ADAMTS8: variants seen among roughly 807,000 people sequenced by gnomAD.
ADAMTS8 encodes A disintegrin and metalloproteinase with thrombospondin motifs 8.
Under a neutral mutation model 64.4 loss-of-function variants are expected in ADAMTS8, and 50 were observed. That is an observed-to-expected ratio of 0.78 (90% CI 0.62 to 0.98). The LOEUF (loss-of-function observed/expected upper bound fraction) is 0.98, where lower values mean the gene tolerates loss of function less well. Ranked by LOEUF, ADAMTS8 falls within the 50% of genes least tolerant of loss-of-function variation. The pLI is 0.00. For synonymous variants in ADAMTS8, 556 were observed against 533.6 expected, an observed-to-expected ratio of 1.04 and a Z score of -0.58; for missense variants, 1,192 against 1,208.2, an observed-to-expected ratio of 0.99 and a Z score of 0.20.
chr11:130,419,105 G>A lies in ADAMTS8; in HGVS notation c.908C>T (p.Pro303Leu). Residue 303 changes from proline (P) to leucine (L), a missense_variant, in exon 2 of 9, where the codon CCC becomes CTC. Coordinates refer to ENST00000257359, the MANE Select transcript of ADAMTS8 (RefSeq NM_007037.6). ...FCNWQRRFNQ[P>L]SDRHPEHYDT... ...GTAGTGCTCTGGGTGGCGGTCGCTG[G>A]GCTGGTTGAAACGCCGCTGCCAGTT... 3 of 1,614,142 alleles carry A rather than the reference G, an allele frequency of 1.9e-6. No homozygotes were observed. In the South Asian group the frequency reaches 3.3e-5, roughly 18 times the overall value.
At chr11:130,424,601 T>C (rs2134692012) in intron 1 of ADAMTS8, among the ~76,000 whole-genome samples, 1 of 152,272 alleles carries the variant, frequency 6.6e-6, no homozygotes, top group East Asian at 1.9e-4. Context: ...TCTGTGTGAA[T>C]GAGGTCTCCA....
chr11:130,416,000 A>G (rs996832951), intron 4 of ADAMTS8, among the ~76,000 whole-genome samples, 163 bp downstream of exon 4: 1 of 152,214 alleles, frequency 6.6e-6, no homozygotes. Context: ...ATGGGGCCAG[A>G]AGAGCAGACT....
chr11:130,419,422 C>G (rs1862071730), intron 1 of ADAMTS8, 130 bp from the exon 2 acceptor site: 1 of 1,293,474 alleles, frequency 7.7e-7, no homozygotes, highest in Non-Finnish European at 1.1e-6. Context: ...CTCACAATAC[C>G]CCCGAGGTCT....
chr11:130,413,285 C>T (rs1202156461), intron 5 of ADAMTS8, among the ~76,000 whole-genome samples: 1 of 152,214 alleles, frequency 6.6e-6, no homozygotes, highest in Non-Finnish European at 1.5e-5. Flanking sequence ...GGTGGCAGAT[C>T]CCTCTGCTCT....
intron 4 of ADAMTS8, 64 bp from the exon 5 acceptor site, chr11:130,414,896 T>A: frequency 6.9e-7 from 1 of 1,450,702 alleles, no homozygotes; most frequent in Non-Finnish European, 9.2e-7. Context: ...CAGCTCTTCA[T>A]GGCCTGTGAT....
Position 130,405,645 on chromosome 11 carries a change from G to T in ADAMTS8, c.2583C>A (p.Asp861Glu), listed in dbSNP as rs199804043. The T allele has an allele frequency of 3.7e-6, 6 of 1,614,008 alleles. No homozygotes were observed. Among genetic ancestry groups the T allele is most frequent in the Non-Finnish European group, 4.2e-6 (5 of 1,180,048 alleles). Residue 861 changes from aspartate (D) to glutamate (E), a missense_variant, in exon 9 of 9, where the codon GAC becomes GAA. By Grantham distance (45) the Asp-to-Glu change is conservative. Transcript: ENST00000257359. ...GWQRRTVECR[D>E]PSGQASATCN... ...AGGTGGCAGAGGCCTGGCCGGAGGG[G>T]TCCCTGCACTCTACAGTTCGCCTCT...
intron 2 of ADAMTS8, 85 bp downstream of exon 2, chr11:130,418,968 T>C: frequency 1.3e-6 from 2 of 1,583,660 alleles, no homozygotes; most frequent in Non-Finnish European, 1.7e-6. Flanking sequence ...ACGTTTCCCA[T>C]GTTTGGGCAG....
chr11:130,406,896 G>A (rs1861891874), intron 8 of ADAMTS8, among the ~76,000 whole-genome samples: 1 of 152,110 alleles, frequency 6.6e-6, no homozygotes, highest in Non-Finnish European at 1.5e-5. Flanking sequence ...GAGGCGAGTG[G>A]TCAGGCGGGC....
At chr11:130,423,573 G>A (rs1339471565) in intron 1 of ADAMTS8, among the ~76,000 whole-genome samples, 1 of 152,202 alleles carries the variant, frequency 6.6e-6, no homozygotes, top group Non-Finnish European at 1.5e-5. Flanking sequence ...TGCAGGTAAG[G>A]GGGCATGGAG....
chr11:130,419,657 A>C (rs748812375), intron 1 of ADAMTS8, among the ~76,000 whole-genome samples: 27 of 152,246 alleles, frequency 1.8e-4, no homozygotes, highest in Non-Finnish European at 3.4e-4. Flanking sequence ...TAGTGCTTCA[A>C]TAGTCATATA....
At chr11:130,418,923 T>C (rs1862061620) in intron 2 of ADAMTS8, 130 bp downstream of exon 2, 3 of 1,439,996 alleles carry the variant, frequency 2.1e-6, no homozygotes, top group Admixed American at 3.8e-5. Context: ...ATTCTGGGCA[T>C]GAGGCTCTGG....
At position 130,411,530 on chromosome 11, in the gene ADAMTS8, A is replaced by G; in HGVS notation, c.1637T>C (p.Val546Ala). The G allele has an allele frequency of 1.9e-6, 3 of 1,613,136 alleles. No individual in the cohort carries two copies. Among genetic ancestry groups the G allele is most frequent in the Non-Finnish European group, 2.5e-6 (3 of 1,179,790 alleles). The part of the protein sequence containing the change: ...GECSRTCGGG[V>A]QFSHRECKDP... ...CTTGCACTCACGGTGTGAAAACTGT[A>G]CTCCTCCTCCACAGGTCCGAGAACA... Residue 546 changes from valine to alanine, a missense_variant, in exon 6 of 9, where the codon GTA becomes GCA. By Grantham distance (64) the Val-to-Ala change is moderately conservative. This residue lies in a region of ADAMTS8 where 290 missense variants were observed against 297.8 expected (regional missense o/e 0.97). Coordinates refer to ENST00000257359, the MANE Select transcript of ADAMTS8 (RefSeq NM_007037.6). This position sits in a 1 kb window ranked among gnomAD's most constrained non-coding sequence, Gnocchi z 4.2.
chr11:130,425,214 C>T (rs1862148425), intron 1 of ADAMTS8, among the ~76,000 whole-genome samples: 1 of 152,106 alleles, frequency 6.6e-6, no homozygotes. Flanking sequence ...GGCAGCAGAC[C>T]TGAACTTTAA....
chr11:130,405,518 G>T lies in ADAMTS8; in HGVS notation c.*40C>A, dbSNP rs369866023. 22 of 1,551,364 alleles carry T rather than the reference G, an allele frequency of 1.4e-5. No homozygotes were observed. Among genetic ancestry groups the T allele is most frequent in the Non-Finnish European group, 1.7e-5 (20 of 1,149,114 alleles). On this transcript the variant is annotated 3_prime_UTR_variant, in exon 9 of 9. Coordinates refer to ENST00000257359, the MANE Select transcript of ADAMTS8 (RefSeq NM_007037.6). ...AGACCCTTGTCTGCACCTCAGTACC[G>T]CATGTCCAGGAGCACAAGACTGGCC...
chr11:130,417,017 A>G lies in ADAMTS8; in HGVS notation c.1019T>C (p.Ile340Thr). 6.2e-7 allele frequency: 1 copy of G among 1,613,964 alleles called. No individual in the cohort carries two copies. Among genetic ancestry groups the G allele is most frequent in the South Asian group, 1.1e-5 (1 of 91,076 alleles). ...GGAGCAGCTTTTGTTGGGGTCACAAATGGTCCCGATGTCTGCCACACCCAG... is the reference window on the plus strand; with the variant it reads ...GGAGCAGCTTTTGTTGGGGTCACAAGTGGTCCCGATGTCTGCCACACCCAG... ...DTLGVADIGT[I>T]CDPNKSCSVI... is the part of the protein sequence containing the mutation. Residue 340 changes from isoleucine (I) to threonine (T), a missense_variant, in exon 3 of 9, where the codon ATT becomes ACT. Physicochemically the swap from Ile to Thr is moderately conservative, Grantham distance 89. Transcript: ENST00000257359.
chr11:130,416,269 C>T lies in ADAMTS8; in HGVS notation c.1158G>A (p.Met386Ile), dbSNP rs759150273. The T allele has an allele frequency of 1.3e-5, 20 of 1,580,228 alleles. No individual in the cohort carries two copies. In the South Asian group the frequency reaches 1.6e-4, roughly 13 times the overall value. The change falls in exon 4 of 9, where the codon ATG (methionine) becomes ATA (isoleucine). Residue 386 changes from methionine (M) to isoleucine (I), a missense_variant. Transcript: ENST00000257359. This position sits in a 1 kb window ranked among gnomAD's most constrained non-coding sequence, Gnocchi z 4.8. ...GCGGTGCCATCACGTGGTGCTTGCC[C>T]ATGGGCCCGAAGAGCCGTGTGCAGG... ...SKPCTRLFGP[M>I]GKHHVMAPLF... is the part of the protein sequence containing the mutation.
chr11:130,406,111 A>C lies in ADAMTS8; in HGVS notation c.2117T>G (p.Ile706Ser). 6.2e-7 allele frequency: 1 copy of C among 1,609,140 alleles called. No individual in the cohort carries two copies. The highest frequency in any genetic ancestry group is 8.5e-7 in the Non-Finnish European group (1 of 1,179,416). ...LTPTNYGYND[I>S]VTIPAGATNI... ...AGTGGCACCAGCTGGGATGGTGACA[A>C]TGTCATTGTAGCCATAACTGTGATA... The change falls in exon 9 of 9, where the codon ATT becomes AGT. Residue 706 changes from isoleucine (I) to serine (S), a missense_variant. Physicochemically the swap from Ile to Ser is moderately radical, Grantham distance 142. Around this residue, in one of 5 missense-constraint regions of ADAMTS8, gnomAD observed 290 missense variants for 297.8 expected, o/e 0.97. Coordinates refer to ENST00000257359, the MANE Select transcript of ADAMTS8 (RefSeq NM_007037.6).
intron 8 of ADAMTS8, among the ~76,000 whole-genome samples, chr11:130,406,923 CAT>C (rs139346923): frequency 0.013 from 2,023 of 152,212 alleles, 33 homozygotes; most frequent in East Asian, 0.043. Flanking sequence ...CTTTTCTTAC[CAT>C]ATGTCCAGCT....
rs1366785490 is a variant in ADAMTS8 at position 130,427,638 on chromosome 11, C to G, written c.649G>C (p.Glu217Gln). ...AGCAGCGTCTCCACGAAGCGCGCCTCAGACACAAACCGCTTGGTCCTACTC... is the reference window on the plus strand; with the variant it reads ...AGCAGCGTCTCCACGAAGCGCGCCTGAGACACAAACCGCTTGGTCCTACTC... ...ATSRTKRFVS[E>Q]ARFVETLLVA... is the part of the protein sequence containing the mutation. The change falls in exon 1 of 9, where the codon GAG becomes CAG. Residue 217 changes from glutamate (E) to glutamine (Q), a missense_variant. Transcript: ENST00000257359. 1 of 1,579,540 alleles carries G rather than the reference C, an allele frequency of 6.3e-7. No individual in the cohort carries two copies. Among genetic ancestry groups the G allele is most frequent in the Admixed American group, 1.8e-5 (1 of 56,446 alleles).
Sources: gnomAD v4.1 joint callset for allele counts (sites outside exome capture counted in the v4.1 genomes callset) on GRCh38, gnomAD v4.1.1 for gene constraint, gnomAD v4.1.1 regional missense constraint, Gnocchi (gnomAD v3.1) non-coding constraint, MANE v1.5 for transcripts, NCBI Gene and HGNC (gene_info 2026-07-23, HGNC 2026-07-21) for gene names.